Variants in CCDC74A observed in about 807,000 individuals in gnomAD.
The protein encoded by CCDC74A is coiled-coil domain-containing protein 74A.
A neutral mutation model predicts 37.6 loss-of-function variants in CCDC74A; 38 were observed. The observed-to-expected ratio is 1.01, with a 90% CI of 0.78 to 1.33. CCDC74A has a LOEUF of 1.33. CCDC74A is among the 40% of genes most tolerant of loss of function. CCDC74A has a pLI of 0.00. For missense variants in CCDC74A, 340 were observed against 403.4 expected (o/e 0.84, Z 1.35); for synonymous variants, 134 against 165.2 (o/e 0.81, Z 1.45).
intron 4 of CCDC74A, among the ~76,000 whole-genome samples, chr2:131,532,155 G>A (rs1681453598): frequency 1.3e-5 from 2 of 148,512 alleles, no homozygotes; most frequent in Admixed American, 6.7e-5. Flanking sequence ...GCCTTTGGAG[G>A]GCACTAGGCC....
chr2:131,532,772 G>C lies in CCDC74A; in HGVS notation c.669G>C (p.Gln223His). 1.2e-6 allele frequency: 2 copies of C among 1,613,526 alleles called. No homozygotes were observed. The highest frequency in any genetic ancestry group is 1.7e-6 in the Non-Finnish European group (2 of 1,179,772). ...AGCTGTGGAATACCAACCTCCTGCA[G>C]ACCCAAGAGGTGAGGCCCTGGGTGG... ...IRELWNTNLL[Q>H]TQELRHLKSL... The change falls in exon 5 of 8, where the codon CAG (glutamine) becomes CAC (histidine). Residue 223 changes from glutamine to histidine, a missense_variant. Around this residue, in one of 3 missense-constraint regions of CCDC74A, gnomAD observed 185 missense variants for 231.5 expected, o/e 0.80. Coordinates refer to ENST00000409856, the MANE Select transcript of CCDC74A (RefSeq NM_001258306.3).
rs1238249379 is a variant in CCDC74A at position 131,529,819 on chromosome 2, G to T, written c.295+128G>T. 9 of 1,536,426 alleles carry T rather than the reference G, an allele frequency of 5.9e-6. No homozygotes were observed. In the Admixed American group the frequency reaches 1.8e-4, roughly 31 times the overall value. On this transcript the variant is annotated intron_variant, in intron 2 of 7. Transcript: ENST00000409856. ...AACCCAGTGGGTACAGGTTCTGGGGGACCTGGACAGATGCCGCTACCTCTA... is the reference window on the plus strand; with the variant it reads ...AACCCAGTGGGTACAGGTTCTGGGGTACCTGGACAGATGCCGCTACCTCTA...
At chr2:131,529,415 G>A (rs964230684) in intron 1 of CCDC74A, 6 of 680,112 alleles carry the variant, frequency 8.8e-6, no homozygotes, top group Non-Finnish European at 1.6e-5. Context: ...ATCTCAGATG[G>A]ATGAGGCCGA....
upstream of CCDC74A, among the ~76,000 whole-genome samples, chr2:131,524,189 T>G (rs1463497409): frequency 6.6e-6 from 1 of 152,150 alleles, no homozygotes. Context: ...CTTGGACACC[T>G]TCCACTGCTA....
At chr2:131,525,516 T>G (rs1680267067), upstream of CCDC74A, among the ~76,000 whole-genome samples, 1 of 152,092 alleles carries the variant, frequency 6.6e-6, no homozygotes. Flanking sequence ...TGCACCTGAC[T>G]TTTCATTTCT....
chr2:131,525,019 A>G (rs1289986496), upstream of CCDC74A, among the ~76,000 whole-genome samples: 3 of 151,822 alleles, frequency 2.0e-5, no homozygotes, highest in South Asian at 4.2e-4. Context: ...CTATAATCGC[A>G]CCACTGCACT....
chr2:131,533,213 C>T, intron 7 of CCDC74A, 56 bp from the exon 8 acceptor site: 1 of 1,610,064 alleles, frequency 6.2e-7, no homozygotes, highest in Admixed American at 1.7e-5. Context: ...GGCCGCACTC[C>T]CCACACACTC....
upstream of CCDC74A, among the ~76,000 whole-genome samples, chr2:131,523,426 G>A (rs1051387365): frequency 7.2e-5 from 11 of 152,158 alleles, no homozygotes; most frequent in Non-Finnish European, 1.5e-4. Flanking sequence ...TCAGGAGTTT[G>A]AGACCAGCCT....
At position 131,528,000 on chromosome 2, in the gene CCDC74A, G is replaced by A. The variant is rs1461623510; in HGVS notation, c.30G>A (p.Thr10=). 12 of 1,461,858 alleles carry A rather than the reference G, an allele frequency of 8.2e-6. No homozygotes were observed. The highest frequency in any genetic ancestry group is 1.4e-5 in the South Asian group (1 of 69,224). The allele number at this position is 1,461,858 out of a possible 1,614,324, so 90.6% of individuals were successfully genotyped here. MSGAGVAAG[T]RPPSSPTPGS... is the part of the protein sequence containing the mutation. ...GCGGTGCGGGGGTGGCGGCTGGGAC[G>A]CGGCCCCCCAGCTCGCCGACCCCGG... is the stretch of plus-strand genomic sequence containing the variant. Residue 10 remains threonine, a synonymous_variant, in exon 1 of 8, where the codon ACG becomes ACA. Transcript: ENST00000409856.
chr2:131,527,627 T>G (rs1680407903), upstream of CCDC74A: 1 of 282,430 alleles, frequency 3.5e-6, no homozygotes, highest in Non-Finnish European at 6.5e-6. Flanking sequence ...CCAGAGTAGC[T>G]GGGATTACTG....
upstream of CCDC74A, chr2:131,527,752 C>T (rs1355981543): frequency 1.4e-6 from 1 of 723,380 alleles, no homozygotes; most frequent in African/African-American, 1.9e-5. Flanking sequence ...GCCTCGGCCT[C>T]CCAAACTTCG....
At chr2:131,532,217 C>G (rs1390551044) in intron 4 of CCDC74A, among the ~76,000 whole-genome samples, 1 of 132,402 alleles carries the variant, frequency 7.6e-6, no homozygotes, top group Non-Finnish European at 1.7e-5. Flanking sequence ...TGCGGGACTG[C>G]CCTGAGATGC....
chr2:131,529,504 C>A (rs776937225), intron 1 of CCDC74A, 143 bp from the exon 2 acceptor site: 2 of 1,095,406 alleles, frequency 1.8e-6, no homozygotes, highest in South Asian at 1.3e-5. Flanking sequence ...TGGTGGAGAG[C>A]GGGATCCATG....
chr2:131,527,873 C>T (rs1573515030), upstream of CCDC74A: 1 of 1,407,126 alleles, frequency 7.1e-7, no homozygotes, highest in East Asian at 2.8e-5. Context: ...TCGCGCCTTC[C>T]GTCGCCCGGT....
At chr2:131,530,044 A>T in intron 2 of CCDC74A, 1 of 1,550,412 alleles carries the variant, frequency 6.4e-7, no homozygotes, top group Non-Finnish European at 8.7e-7. Flanking sequence ...TGCTGTGGCC[A>T]GGCCCAGGAT....
chr2:131,525,399 G>T (rs1207208710), upstream of CCDC74A, among the ~76,000 whole-genome samples: 1 of 152,052 alleles, frequency 6.6e-6, no homozygotes, highest in South Asian at 2.1e-4. Flanking sequence ...TTAGTTCTTT[G>T]TGGAGACAGG....
In CCDC74A at chr2:131,533,338, C is replaced by T. The variant is rs527758119; in HGVS notation, c.879C>T (p.Ala293=). The T allele has an allele frequency of 6.1e-5, 98 of 1,613,432 alleles. No homozygotes were observed. Among genetic ancestry groups the T allele is most frequent in the South Asian group, 2.5e-4 (23 of 91,072 alleles). ...AGCAGACCCCGAAGAACAACTTTGCCGAGAGGCAGAAGAGGCTGCAGGCAA... is the reference window on the plus strand; with the variant it reads ...AGCAGACCCCGAAGAACAACTTTGCTGAGAGGCAGAAGAGGCTGCAGGCAA... ...ALKQTPKNNF[A]ERQKRLQAMQ... is the part of the protein sequence containing the mutation. The change falls in exon 8 of 8, where the codon GCC becomes GCT. Residue 293 remains alanine, a synonymous_variant. Transcript: ENST00000409856.
chr2:131,530,101 C>T (rs1272424735), intron 2 of CCDC74A: 2 of 1,550,300 alleles, frequency 1.3e-6, no homozygotes, highest in Admixed American at 3.9e-5. Flanking sequence ...GGCCCAGGGG[C>T]TCTGGACACA....
In CCDC74A at chr2:131,529,635, G is replaced by A; in HGVS notation, c.251-12G>A. On this transcript the variant is annotated splice_polypyrimidine_tract_variant and intron_variant, in intron 1 of 7. Transcript: ENST00000409856. ...TTCACAAGTGCTGAGGAGAGCGTGTGCTTGCTTTCAGATCTCCATTACAAG... is the reference window on the plus strand; with the variant it reads ...TTCACAAGTGCTGAGGAGAGCGTGTACTTGCTTTCAGATCTCCATTACAAG... 1 of 1,613,916 alleles carries A rather than the reference G, an allele frequency of 6.2e-7. No homozygotes were observed. Among genetic ancestry groups the A allele is most frequent in the Non-Finnish European group, 8.5e-7 (1 of 1,179,816 alleles).
Sources: allele counts gnomAD v4.1 joint callset (sites outside exome capture counted in the v4.1 genomes callset), GRCh38; gene constraint gnomAD v4.1.1; regional missense constraint gnomAD v4.1.1; transcripts MANE v1.5; gene names NCBI Gene and HGNC (gene_info 2026-07-23, HGNC 2026-07-21).